TMEM168: variants seen among roughly 807,000 people sequenced by gnomAD.
TMEM168 encodes transmembrane protein 168.
Under a neutral mutation model 53.2 loss-of-function variants are expected in TMEM168, and 40 were observed. The observed-to-expected ratio is 0.75, with a 90% CI of 0.58 to 0.98. The LOEUF (loss-of-function observed/expected upper bound fraction) is 0.98. TMEM168 is among the 50% of genes least tolerant of loss of function. The probability of loss-of-function intolerance (pLI) is 0.00; values close to 1 mark genes in which losing one functional copy is unlikely to be tolerated. For missense variants in TMEM168, 771 were observed against 828.8 expected (o/e 0.93, Z 0.86); for synonymous variants, 282 against 293.0 (o/e 0.96, Z 0.38).
rs1330339770 is a variant in TMEM168 at position 112,767,731 on chromosome 7, T to C, written c.1560A>G (p.Leu520=). ...ACCATTCTATAAGTGTGTCAAGGCG[T>C]AGTGTATCTCCACCTGTGAACAAGA... is the stretch of plus-strand genomic sequence containing the variant. ...GEWALAGGDT[L]RLDTLIEWWR... Residue 520 remains leucine (L), a synonymous_variant, in exon 5 of 5, where the codon CTA becomes CTG. Coordinates refer to ENST00000312814, the MANE Select transcript of TMEM168 (RefSeq NM_022484.6). 1.9e-6 allele frequency: 3 copies of C among 1,610,702 alleles called. No homozygotes were observed. Among genetic ancestry groups the C allele is most frequent in the Non-Finnish European group, 2.5e-6 (3 of 1,178,974 alleles).
rs181774294 is a variant in TMEM168 at position 112,773,773 on chromosome 7, C to T, written c.1272-718G>A. On this transcript the variant is annotated intron_variant, in intron 3 of 4. Transcript: ENST00000312814. ...TCCTATCCAGAAAAGGGATTTCTAT[C>T]GGGATTTTTGAAAACGTTAGATTTT... Among the ~76,000 whole-genome samples the T allele has an allele frequency of 9.8e-4, 149 of 152,054 alleles. No individual in the cohort carries two copies. The Middle Eastern group carries it at 0.014, about 14-fold the overall frequency.
chr7:112,764,595 G>A lies in TMEM168; in HGVS notation c.*2602C>T, dbSNP rs570781762. 6.6e-6 allele frequency: 1 copy of A among 150,558 alleles called. No individual in the cohort carries two copies. The highest frequency in any genetic ancestry group is 2.1e-4 in the South Asian group (1 of 4,756). 9.3% of individuals were successfully genotyped at this position (150,558 alleles called of 1,614,324 possible). ...GGCTCACTGCAACCTCTGCCTCCCCGGTTCAAGAGATTCTCCTGCCTCAGT... is the reference window on the plus strand; with the variant it reads ...GGCTCACTGCAACCTCTGCCTCCCCAGTTCAAGAGATTCTCCTGCCTCAGT... On this transcript the variant is annotated 3_prime_UTR_variant, in exon 5 of 5. Transcript: ENST00000312814.
rs199930092 is a variant in TMEM168 at position 112,767,465 on chromosome 7, C to T, written c.1826G>A (p.Gly609Glu). The stretch of plus-strand genomic sequence containing the variant: ...ACCATATACTGCTTTCACTGTGCGT[C>T]CCTTTTCAGTCCAGCAGATGTTATT... ...SSNNICWTEK[G>E]RTVKAVYGVS... Residue 609 changes from glycine to glutamate, a missense_variant, in exon 5 of 5, where the codon GGA (glycine) becomes GAA (glutamate). By Grantham distance (98) the Gly-to-Glu change is moderately conservative. Coordinates refer to ENST00000312814, the MANE Select transcript of TMEM168 (RefSeq NM_022484.6). The T allele has an allele frequency of 3.2e-5, 51 of 1,614,180 alleles. No homozygotes were observed. In the East Asian group the frequency reaches 1.0e-3, roughly 33 times the overall value.
intron 1 of TMEM168, among the ~76,000 whole-genome samples, chr7:112,788,161 G>A (rs959449322): frequency 2.6e-5 from 4 of 151,690 alleles, no homozygotes; most frequent in Non-Finnish European, 4.4e-5. Flanking sequence ...TCCCCTCCTC[G>A]GTCTCCTTGA....
chr7:112,773,078 A>C (rs368262280), intron 3 of TMEM168, 23 bp from the exon 4 acceptor site: 1 of 1,572,044 alleles, frequency 6.4e-7, no homozygotes, highest in Non-Finnish European at 8.7e-7. Flanking sequence ...AAAAAACAAG[A>C]AGTACTCATT....
At position 112,767,162 on chromosome 7, in the gene TMEM168, T is replaced by G; in HGVS notation, c.*35A>C. 6.4e-7 allele frequency: 1 copy of G among 1,568,810 alleles called. No homozygotes were observed. Among genetic ancestry groups the G allele is most frequent in the Non-Finnish European group, 8.6e-7 (1 of 1,159,328 alleles). ...GGCAAGTTAGTGATAATTGGTAGTA[T>G]GAGTGCTTATTAATATCCCGCTTTG... On this transcript the variant is annotated 3_prime_UTR_variant, in exon 5 of 5. Coordinates refer to ENST00000312814, the MANE Select transcript of TMEM168 (RefSeq NM_022484.6).
At chr7:112,770,127 T>A (rs1369690285) in intron 4 of TMEM168, among the ~76,000 whole-genome samples, 1 of 152,190 alleles carries the variant, frequency 6.6e-6, no homozygotes, top group Non-Finnish European at 1.5e-5. Flanking sequence ...ATGAAAGTAT[T>A]TTCCTCAGAG....
rs1792968415 is a variant in TMEM168, at chr7:112,772,973, G to C, written c.1354C>G (p.Gln452Glu). Residue 452 changes from glutamine (Q) to glutamate (E), a missense_variant, in exon 4 of 5, where the codon CAA (glutamine) becomes GAA (glutamate). Physicochemically the swap from Gln to Glu is conservative, Grantham distance 29. Transcript: ENST00000312814. ...LRSTGMLNAI[Q>E]RFFAYHMIET... is the part of the protein sequence containing the mutation. ...ATCATATGATATGCAAAAAATCTTTGGATAGCATTGAGCATGCCAGTAGAC... is the reference window on the plus strand; with the variant it reads ...ATCATATGATATGCAAAAAATCTTTCGATAGCATTGAGCATGCCAGTAGAC... The C allele has an allele frequency of 1.9e-6, 3 of 1,613,882 alleles. No individual in the cohort carries two copies. In the African/African-American group the frequency reaches 4.0e-5, roughly 22 times the overall value.
In TMEM168 at chr7:112,783,876, C is replaced by A. The variant is rs1793297123; in HGVS notation, c.950G>T (p.Trp317Leu). The A allele has an allele frequency of 1.2e-6, 2 of 1,600,838 alleles. No individual in the cohort carries two copies. The highest frequency in any genetic ancestry group is 2.7e-5 in the African/African-American group (2 of 73,844). The change falls in exon 2 of 5, where the codon TGG (tryptophan) becomes TTG (leucine). Residue 317 changes from tryptophan (W) to leucine (L), a missense_variant. Coordinates refer to ENST00000312814, the MANE Select transcript of TMEM168 (RefSeq NM_022484.6). The part of the protein sequence containing the change: ...ICHIIFLLTL[W>L]GFHTKLNDCH... ...GTCATTTAATTTGGTATGGAATCCC[C>A]AAAGAGTTAAAAGAAAAATAATATG...
At chr7:112,775,973 C>T (rs1454968675) in intron 2 of TMEM168, among the ~76,000 whole-genome samples, 1 of 151,324 alleles carries the variant, frequency 6.6e-6, no homozygotes, top group Non-Finnish European at 1.5e-5. Flanking sequence ...AAGCAGGAGG[C>T]AATCAGGTAT....
Position 112,769,718 on chromosome 7 carries a change from A to T in TMEM168, c.1547-1974T>A, listed in dbSNP as rs541106640. 3.9e-5 allele frequency among the ~76,000 whole-genome samples: 6 copies of T among 152,260 alleles called. No homozygotes were observed. In the South Asian group the frequency reaches 1.2e-3, roughly 32 times the overall value. On this transcript the variant is annotated intron_variant, in intron 4 of 4. Coordinates refer to ENST00000312814, the MANE Select transcript of TMEM168 (RefSeq NM_022484.6). ...ATCTGATGCATTTTAAGTAATTGAG[A>T]CTGCTTTTTAAAGGTTTTATTTGTA...
At chr7:112,786,164 T>C (rs1374318842) in intron 1 of TMEM168, among the ~76,000 whole-genome samples, 6 of 152,124 alleles carry the variant, frequency 3.9e-5, no homozygotes, top group Admixed American at 3.9e-4. Flanking sequence ...ATCACGCCAC[T>C]GGACTCCAGC....
In TMEM168 at chr7:112,772,762, C is replaced by A; in HGVS notation, c.1546+19G>T. 6.2e-7 allele frequency: 1 copy of A among 1,604,052 alleles called. No homozygotes were observed. Among genetic ancestry groups the A allele is most frequent in the Non-Finnish European group, 8.5e-7 (1 of 1,173,208 alleles). Reference sequence around the variant, plus strand: ...CATGTGTATCTTTACAATAGTGAAACTGCCAAAGGTGAGTTTACCTGCTAG... The same window carrying A: ...CATGTGTATCTTTACAATAGTGAAAATGCCAAAGGTGAGTTTACCTGCTAG... On this transcript the variant is annotated intron_variant, in intron 4 of 4. Coordinates refer to ENST00000312814, the MANE Select transcript of TMEM168 (RefSeq NM_022484.6).
chr7:112,770,753 T>C (rs572713576), intron 4 of TMEM168, among the ~76,000 whole-genome samples: 11 of 152,248 alleles, frequency 7.2e-5, no homozygotes, highest in African/African-American at 2.4e-4. Context: ...TTAAGAAAAA[T>C]GCAAACTTTT....
chr7:112,783,423 A>G (rs749368863), intron 2 of TMEM168, among the ~76,000 whole-genome samples: 27 of 152,132 alleles, frequency 1.8e-4, no homozygotes, highest in Admixed American at 4.6e-4. Flanking sequence ...GTATTCTAAG[A>G]CTCTTTAATC....
chr7:112,784,915 T>G lies in TMEM168; in HGVS notation c.-90A>C. 3 of 1,145,152 alleles carry G rather than the reference T, an allele frequency of 2.6e-6. No homozygotes were observed. Among genetic ancestry groups the G allele is most frequent in the Non-Finnish European group, 3.5e-6 (3 of 865,236 alleles). The allele number at this position is 1,145,152 out of a possible 1,614,324, so 70.9% of individuals were successfully genotyped here. On this transcript the variant is annotated 5_prime_UTR_variant, in exon 2 of 5. Coordinates refer to ENST00000312814, the MANE Select transcript of TMEM168 (RefSeq NM_022484.6). Reference sequence around the variant, plus strand: ...TATCCAATGTATCCGCAACTCCTATTTCAACATTTTCTCTTGTGGAAATTT... The same window carrying G: ...TATCCAATGTATCCGCAACTCCTATGTCAACATTTTCTCTTGTGGAAATTT...
chr7:112,784,837 T>C lies in TMEM168; in HGVS notation c.-12A>G, dbSNP rs577773496. 7.1e-6 allele frequency: 11 copies of C among 1,540,316 alleles called. No homozygotes were observed. The South Asian group carries it at 1.0e-4, about 14-fold the overall frequency. On this transcript the variant is annotated 5_prime_UTR_variant, in exon 2 of 5. Transcript: ENST00000312814. ...AGTGATTTACACATGTAACCAGCAA[T>C]GTGGGCTTTTCCCTCACGTTACAAA...
intron 3 of TMEM168, among the ~76,000 whole-genome samples, chr7:112,773,572 T>C (rs1317372655): frequency 6.6e-6 from 1 of 152,096 alleles, no homozygotes; most frequent in Non-Finnish European, 1.5e-5. Context: ...TATCTATTAA[T>C]AGGCATTTAA....
chr7:112,773,666 A>G (rs1792991516), intron 3 of TMEM168, among the ~76,000 whole-genome samples: 1 of 152,124 alleles, frequency 6.6e-6, no homozygotes, highest in African/African-American at 2.4e-5. Context: ...CAAATATAAA[A>G]TGGTACTCTA....
Sources: allele counts gnomAD v4.1 joint callset (sites outside exome capture counted in the v4.1 genomes callset), GRCh38; gene constraint gnomAD v4.1.1; transcripts MANE v1.5; gene names NCBI Gene and HGNC (gene_info 2026-07-23, HGNC 2026-07-21).